The following SP4 variants were observed in gnomAD, a reference collection of about 807,000 sequenced individuals.
SP4 encodes Sp4 transcription factor, also known as transcription factor Sp4.
Under a neutral mutation model 72.8 loss-of-function variants are expected in SP4, and 19 were observed. The observed-to-expected ratio is 0.26, with a 90% CI of 0.18 to 0.38. SP4 has a LOEUF of 0.38. Ranked by LOEUF, SP4 falls within the 10% of genes least tolerant of loss-of-function variation. The pLI, the probability that SP4 is intolerant of heterozygous loss-of-function variation, is 1.00. For missense variants in SP4, 1,008 were observed against 926.3 expected (o/e 1.09, Z -1.14); for synonymous variants, 395 against 333.1 (o/e 1.19, Z -2.02).
At chr7:21,462,943 C>T (rs1438258125) in intron 3 of SP4, among the ~76,000 whole-genome samples, 2 of 152,194 alleles carry the variant, frequency 1.3e-5, no homozygotes, top group Admixed American at 1.3e-4. Context: ...CCGTTGGTCA[C>T]ATGTGGCTTA....
Position 21,511,067 on chromosome 7 carries a change from G to A in SP4, c.2153G>A (p.Arg718Gln), listed in dbSNP as rs1180937431. The A allele has an allele frequency of 6.2e-7, 1 of 1,613,968 alleles. No individual in the cohort carries two copies. The highest frequency in any genetic ancestry group is 8.5e-7 in the Non-Finnish European group (1 of 1,179,888). ...ECPECSKRFMRSDHLSKHVKT... is the reference protein window; with the variant it reads ...ECPECSKRFMQSDHLSKHVKT... ...CCGGAATGTTCTAAAAGGTTTATGCGGAGTGATCATCTCTCCAAACATGTC... is the reference window on the plus strand; with the variant it reads ...CCGGAATGTTCTAAAAGGTTTATGCAGAGTGATCATCTCTCCAAACATGTC... The change falls in exon 6 of 6, where the codon CGG becomes CAG. Residue 718 changes from arginine to glutamine, a missense_variant. Physicochemically the swap from Arg to Gln is conservative, Grantham distance 43. Around this residue, in one of 3 missense-constraint regions of SP4, gnomAD observed 48 missense variants for 117.0 expected, o/e 0.41. Coordinates refer to ENST00000222584, the MANE Select transcript of SP4 (RefSeq NM_003112.5).
chr7:21,430,720 C>A lies in SP4; in HGVS notation c.1555C>A (p.Pro519Thr). Reference protein sequence around the residue: ...QIAPVAVAGAPITLNTAQLAS... With the variant: ...QIAPVAVAGATITLNTAQLAS... ...TGCTCCTGTGGCTGTTGCTGGTGCC[C>A]CAATAACTTTGAATACTGCCCAGCT... is the stretch of plus-strand genomic sequence containing the variant. The change falls in exon 3 of 6, where the codon CCA becomes ACA. Residue 519 changes from proline (P) to threonine (T), a missense_variant. This residue lies in a region of SP4 where 893 missense variants were observed against 743.3 expected (regional missense o/e 1.20). Transcript: ENST00000222584. The A allele has an allele frequency of 6.2e-7, 1 of 1,614,124 alleles. No homozygotes were observed. Among genetic ancestry groups the A allele is most frequent in the East Asian group, 2.2e-5 (1 of 44,892 alleles).
intron 3 of SP4, among the ~76,000 whole-genome samples, chr7:21,464,711 A>G (rs1312655276): frequency 3.9e-5 from 6 of 152,050 alleles, no homozygotes; most frequent in Admixed American, 2.0e-4. Context: ...CACTGTGCCA[A>G]GCTTCCTCAC....
At chr7:21,434,905 A>G (rs183076812) in intron 3 of SP4, among the ~76,000 whole-genome samples, 5 of 152,282 alleles carry the variant, frequency 3.3e-5, no homozygotes, top group African/African-American at 1.2e-4. Flanking sequence ...CTTTAAGCTC[A>G]AAGACAACTA....
In SP4 at chr7:21,511,462, C is replaced by T; in HGVS notation, c.*193C>T. The stretch of plus-strand genomic sequence containing the variant: ...AAAATACAAAAAGCAGACTGATGTA[C>T]TGGAAACAGAAAAGTATTTCCTCCA... On this transcript the variant is annotated 3_prime_UTR_variant, in exon 6 of 6. Transcript: ENST00000222584. 1.8e-6 allele frequency: 1 copy of T among 560,172 alleles called. No homozygotes were observed. The highest frequency in any genetic ancestry group is 3.2e-6 in the Non-Finnish European group (1 of 317,274). 34.7% of individuals were successfully genotyped at this position (560,172 alleles called of 1,614,324 possible).
At chr7:21,479,837 T>C (rs1784626465) in intron 4 of SP4, among the ~76,000 whole-genome samples, 1 of 152,234 alleles carries the variant, frequency 6.6e-6, no homozygotes, top group Non-Finnish European at 1.5e-5. Context: ...ATACATTTTG[T>C]ACTTTTGTTA....
At chr7:21,474,444 A>AT (rs201897495) in intron 3 of SP4, among the ~76,000 whole-genome samples, 7 of 152,270 alleles carry the variant, frequency 4.6e-5, no homozygotes, top group South Asian at 2.1e-4. Context: ...CTAGAAATGC[A>AT]TTTTTTGCAG....
At chr7:21,428,599 A>G in intron 1 of SP4, 78 bp from the exon 2 acceptor site, 1 of 1,315,436 alleles carries the variant, frequency 7.6e-7, no homozygotes, top group Non-Finnish European at 1.0e-6. Context: ...AGGGGGGAGA[A>G]GAGGAGAGGA....
chr7:21,505,387 C>T (rs1017595179), intron 5 of SP4, among the ~76,000 whole-genome samples: 4 of 152,202 alleles, frequency 2.6e-5, no homozygotes, highest in Admixed American at 2.6e-4. Context: ...CGGTCCTCCT[C>T]TCCCCAGAAA....
At chr7:21,493,759 A>AGG (rs1785038170) in intron 5 of SP4, among the ~76,000 whole-genome samples, 1 of 152,198 alleles carries the variant, frequency 6.6e-6, no homozygotes, top group African/African-American at 2.4e-5. Context: ...AAATTCTACC[A>AGG]TTTAAGGAAT....
At chr7:21,480,995 A>T (rs1784669176) in intron 4 of SP4, among the ~76,000 whole-genome samples, 1 of 152,154 alleles carries the variant, frequency 6.6e-6, no homozygotes, top group Admixed American at 6.6e-5. Context: ...ACCCTGCTTT[A>T]AGAGCTGAGT....
At chr7:21,468,592 A>G (rs1784238857) in intron 3 of SP4, among the ~76,000 whole-genome samples, 1 of 149,510 alleles carries the variant, frequency 6.7e-6, no homozygotes, top group African/African-American at 2.5e-5. Flanking sequence ...TTGCTCTTGT[A>G]TTTGGCCATC....
rs576215353 is a variant in SP4 at position 21,491,663 on chromosome 7, A to G, written c.2107+9540A>G. Among the ~76,000 whole-genome samples the G allele has an allele frequency of 3.9e-5, 6 of 152,362 alleles. No homozygotes were observed. In the East Asian group the frequency reaches 9.6e-4, roughly 24 times the overall value. On this transcript the variant is annotated intron_variant, in intron 5 of 5. Coordinates refer to ENST00000222584, the MANE Select transcript of SP4 (RefSeq NM_003112.5). ...AGAAGCCAGAAGAGAAGGACACATTATATACCGGGGAACAAAAATTCAAAT... is the reference window on the plus strand; with the variant it reads ...AGAAGCCAGAAGAGAAGGACACATTGTATACCGGGGAACAAAAATTCAAAT...
In SP4 at chr7:21,477,230, T is replaced by C; in HGVS notation, c.1830T>C (p.Ser610=). The stretch of plus-strand genomic sequence containing the variant: ...ATTTGCAGCAAGGCCAGCAGACTTC[T>C]GATCAAGAGGTACAACCTGGCAAGA... ...QVHLQQGQQT[S]DQEVQPGKRL... The change falls in exon 4 of 6, where the codon TCT becomes TCC. Residue 610 remains serine, a synonymous_variant. Coordinates refer to ENST00000222584, the MANE Select transcript of SP4 (RefSeq NM_003112.5). 6.2e-7 allele frequency: 1 copy of C among 1,614,228 alleles called. No individual in the cohort carries two copies. The highest frequency in any genetic ancestry group is 8.5e-7 in the Non-Finnish European group (1 of 1,180,030).
rs775508430 is a variant in SP4 at position 21,445,982 on chromosome 7, ATGTGTATGTGTG to A, written c.1678+15145_1678+15156del. On this transcript the variant is annotated intron_variant, in intron 3 of 5. Transcript: ENST00000222584. ...TGATCGAGTTCATTTTGTGTATCTTATGTGTATGTGTGTGTGTGTGTGTGTGTGTGTGTGTGT... is the reference window on the plus strand; with the variant it reads ...TGATCGAGTTCATTTTGTGTATCTTATGTGTGTGTGTGTGTGTGTGTGTGT... 6.1e-4 allele frequency among the ~76,000 whole-genome samples: 62 copies of A among 100,928 alleles called. 1 individual carries two copies. Among genetic ancestry groups the A allele is most frequent in the African/African-American group, 2.2e-3 (55 of 24,714 alleles). The allele number at this position is 100,928 out of a possible 152,430, so 66.2% of individuals were successfully genotyped here. A position where few individuals can be genotyped will look rare whatever the true frequency, so the allele number is the denominator to read the frequency against.
chr7:21,469,848 G>A (rs1784278053), intron 3 of SP4, among the ~76,000 whole-genome samples: 2 of 151,640 alleles, frequency 1.3e-5, no homozygotes, highest in Admixed American at 6.6e-5. Flanking sequence ...CACCATGCTG[G>A]GCCTATAATT....
At chr7:21,490,437 A>G (rs1407361456) in intron 5 of SP4, among the ~76,000 whole-genome samples, 1 of 152,190 alleles carries the variant, frequency 6.6e-6, no homozygotes, top group African/African-American at 2.4e-5. Context: ...GGCTAGGGGA[A>G]CTAGAAAATA....
chr7:21,481,146 A>G (rs1016251085), intron 4 of SP4, among the ~76,000 whole-genome samples: 9 of 152,194 alleles, frequency 5.9e-5, no homozygotes, highest in African/African-American at 9.6e-5. Context: ...CATCCAAGGT[A>G]GAGTCTATGT....
intron 3 of SP4, among the ~76,000 whole-genome samples, chr7:21,433,801 G>C (rs1258114759): frequency 6.6e-6 from 1 of 152,146 alleles, no homozygotes; most frequent in African/African-American, 2.4e-5. Context: ...TTAGCTGGGC[G>C]TGGTGGCACA....
Sources: gnomAD v4.1 joint callset for allele counts (sites outside exome capture counted in the v4.1 genomes callset) on GRCh38, gnomAD v4.1.1 for gene constraint, gnomAD v4.1.1 regional missense constraint, MANE v1.5 for transcripts, NCBI Gene and HGNC (gene_info 2026-07-23, HGNC 2026-07-21) for gene names.